KCNJ4: variants seen among roughly 807,000 people sequenced by gnomAD.
The protein encoded by KCNJ4 is potassium inwardly rectifying channel subfamily J member 4, also known as inward rectifier potassium channel 4.
A neutral mutation model predicts 25.6 loss-of-function variants in KCNJ4; 3 were observed. That is an observed-to-expected ratio of 0.12 (90% CI 0.05 to 0.30). KCNJ4 has a LOEUF of 0.30. KCNJ4 is among the 10% of genes least tolerant of loss of function. The pLI, the probability that KCNJ4 is intolerant of heterozygous loss-of-function variation, is 1.00. For synonymous variants in KCNJ4, 257 were observed against 283.9 expected (o/e 0.91, Z 0.95); for missense variants, 286 against 666.8 (o/e 0.43, Z 6.29).
chr22:38,446,174 G>A (rs1049793404), intron 1 of KCNJ4, among the ~76,000 whole-genome samples: 6 of 152,204 alleles, frequency 3.9e-5, no homozygotes, highest in Non-Finnish European at 8.8e-5. Flanking sequence ...AAGCTCTGCC[G>A]GGCTGCTGAT....
intron 1 of KCNJ4, among the ~76,000 whole-genome samples, chr22:38,431,787 A>T (rs759809788): frequency 1.3e-5 from 2 of 152,132 alleles, no homozygotes; most frequent in Admixed American, 6.5e-5. Context: ...CTGGCCAAAA[A>T]GTGAAGGGTA....
chr22:38,446,583 C>G (rs951955084), intron 1 of KCNJ4, among the ~76,000 whole-genome samples: 3 of 152,176 alleles, frequency 2.0e-5, no homozygotes, highest in African/African-American at 7.2e-5. Flanking sequence ...GGTTGGGTCA[C>G]AAAGTAGTTC....
Position 38,426,967 on chromosome 22 carries a change from T to A in KCNJ4, c.1166A>T (p.Glu389Val). ...LMSQEEEEMEEEAAAAAAVAA... is the reference protein window; with the variant it reads ...LMSQEEEEMEVEAAAAAAVAA... Reference sequence around the variant, plus strand: ...CACCGCGGCCGCCGCAGCTGCCTCCTCCTCCATCTCCTCTTCCTCCTGGCT... The same window carrying A: ...CACCGCGGCCGCCGCAGCTGCCTCCACCTCCATCTCCTCTTCCTCCTGGCT... The change falls in exon 2 of 2, where the codon GAG (glutamate) becomes GTG (valine). Residue 389 changes from glutamate to valine, a missense_variant. By Grantham distance (121) the Glu-to-Val change is moderately radical. Around this residue, in one of 11 missense-constraint regions of KCNJ4, gnomAD observed 77 missense variants for 97.6 expected, o/e 0.79. Transcript: ENST00000303592. 6.2e-7 allele frequency: 1 copy of A among 1,612,552 alleles called. No homozygotes were observed. Among genetic ancestry groups the A allele is most frequent in the Non-Finnish European group, 8.5e-7 (1 of 1,179,798 alleles).
chr22:38,436,239 G>A (rs192452436), intron 1 of KCNJ4, among the ~76,000 whole-genome samples: 3 of 152,298 alleles, frequency 2.0e-5, no homozygotes, highest in South Asian at 2.1e-4. Context: ...GTAAGTGATC[G>A]ATAAGGTGCA....
In KCNJ4 at chr22:38,428,111, C is replaced by T; in HGVS notation, c.22G>A (p.Gly8Ser). ...TTCCGCCGGGGCACGTGGGCCTGGC[C>T]GTTGCGGCTGTGTCCGTGCATGTCC... Reference protein sequence around the residue: MHGHSRNGQAHVPRRKRR... With the variant: MHGHSRNSQAHVPRRKRR... The change falls in exon 2 of 2, where the codon GGC (glycine) becomes AGC (serine). Residue 8 changes from glycine (G) to serine (S), a missense_variant. Transcript: ENST00000303592. The T allele has an allele frequency of 6.2e-7, 1 of 1,612,018 alleles. No individual in the cohort carries two copies. The highest frequency in any genetic ancestry group is 8.5e-7 in the Non-Finnish European group (1 of 1,178,950).
At chr22:38,430,944 C>T (rs1259048047) in intron 1 of KCNJ4, among the ~76,000 whole-genome samples, 3 of 152,356 alleles carry the variant, frequency 2.0e-5, no homozygotes, top group South Asian at 4.1e-4. Flanking sequence ...CTCACCCCCA[C>T]CCCAGAGCTC....
intron 1 of KCNJ4, among the ~76,000 whole-genome samples, chr22:38,432,579 A>T (rs1313892060): frequency 1.3e-5 from 2 of 152,180 alleles, no homozygotes; most frequent in Non-Finnish European, 2.9e-5. Context: ...TGAAGGTCAC[A>T]GAGCTTGACA....
intron 1 of KCNJ4, among the ~76,000 whole-genome samples, chr22:38,429,789 G>A (rs1416582868): frequency 6.6e-6 from 1 of 152,234 alleles, no homozygotes; most frequent in African/African-American, 2.4e-5. Context: ...GCAGGGCCAG[G>A]ACTGGGCCTG....
chr22:38,447,070 G>A (rs1045821860), intron 1 of KCNJ4, among the ~76,000 whole-genome samples: 2 of 152,130 alleles, frequency 1.3e-5, no homozygotes, highest in African/African-American at 4.8e-5. Context: ...GGTGGAGCTG[G>A]ACATGAACCC....
chr22:38,435,177 G>T (rs1209068476), intron 1 of KCNJ4, among the ~76,000 whole-genome samples: 1 of 152,158 alleles, frequency 6.6e-6, no homozygotes, highest in Non-Finnish European at 1.5e-5. Context: ...GAGGCACCCA[G>T]ACAGAGCTTG....
intron 1 of KCNJ4, among the ~76,000 whole-genome samples, chr22:38,439,446 A>C (rs975437975): frequency 1.3e-5 from 2 of 151,776 alleles, no homozygotes; most frequent in African/African-American, 4.8e-5. Context: ...AAATAAAATA[A>C]AATAAAGCCT....
At chr22:38,437,654 G>GT (rs2089301863) in intron 1 of KCNJ4, among the ~76,000 whole-genome samples, 1 of 152,230 alleles carries the variant, frequency 6.6e-6, no homozygotes, top group Non-Finnish European at 1.5e-5. Context: ...TAAGCAGTTT[G>GT]AAGGAAAAGT....
intron 1 of KCNJ4, among the ~76,000 whole-genome samples, chr22:38,432,205 A>G (rs1470398241): frequency 6.6e-6 from 1 of 151,520 alleles, no homozygotes; most frequent in Non-Finnish European, 1.5e-5. Context: ...GCAGTGAGCC[A>G]AGATTGAGTG....
intron 1 of KCNJ4, among the ~76,000 whole-genome samples, chr22:38,444,500 A>C (rs557554964): frequency 6.6e-6 from 1 of 152,212 alleles, no homozygotes; most frequent in South Asian, 2.1e-4. Flanking sequence ...CCTCTGCCTC[A>C]CCCTCCACGG....
At chr22:38,429,685 G>A (rs2093043593) in intron 1 of KCNJ4, among the ~76,000 whole-genome samples, 1 of 152,126 alleles carries the variant, frequency 6.6e-6, no homozygotes, top group Admixed American at 6.5e-5. Flanking sequence ...GGCGGGATGC[G>A]CCTCGGGCCC....
chr22:38,434,166 C>T (rs2093058605), intron 1 of KCNJ4, among the ~76,000 whole-genome samples: 1 of 152,198 alleles, frequency 6.6e-6, no homozygotes, highest in Non-Finnish European at 1.5e-5. Context: ...GCCTAGAGAG[C>T]AGTGGCCAGT....
rs553388301 is a variant in KCNJ4, at chr22:38,438,463, G to A, written c.-39-10292C>T. Among the ~76,000 whole-genome samples the A allele has an allele frequency of 9.9e-5, 15 of 151,220 alleles. No homozygotes were observed. In the South Asian group the frequency reaches 3.1e-3, roughly 32 times the overall value. The stretch of plus-strand genomic sequence containing the variant: ...CTAGCACTTTGGGAGGCGGAGGTGG[G>A]TGGATCATGAAGTCAGGAGATAGAG... On this transcript the variant is annotated intron_variant, in intron 1 of 1. Transcript: ENST00000303592.
intron 1 of KCNJ4, among the ~76,000 whole-genome samples, chr22:38,430,059 G>T (rs527481469): frequency 7.2e-6 from 1 of 139,726 alleles, no homozygotes; most frequent in Non-Finnish European, 1.5e-5. Context: ...CTCCTCCCCC[G>T]CGGTCACCCA....
At chr22:38,448,297 C>T (rs1382000089) in intron 1 of KCNJ4, among the ~76,000 whole-genome samples, 1 of 151,150 alleles carries the variant, frequency 6.6e-6, no homozygotes, top group African/African-American at 2.4e-5. Flanking sequence ...GCCCGGGTCG[C>T]TGGTGTGTGA....
Sources: allele counts gnomAD v4.1 joint callset (sites outside exome capture counted in the v4.1 genomes callset), GRCh38; gene constraint gnomAD v4.1.1; regional missense constraint gnomAD v4.1.1; transcripts MANE v1.5; gene names NCBI Gene and HGNC (gene_info 2026-07-23, HGNC 2026-07-21).